ZNF385D: variants seen among roughly 807,000 people sequenced by gnomAD.
ZNF385D encodes the protein zinc finger protein 659.
A neutral mutation model predicts 35.8 loss-of-function variants in ZNF385D; 15 were observed. The ratio of observed to expected loss-of-function variants is 0.42; its 90% CI spans 0.28 to 0.64. The LOEUF is 0.64. Ranked by LOEUF, ZNF385D falls within the 30% of genes least tolerant of loss-of-function variation. The probability of loss-of-function intolerance (pLI) is 0.23; values close to 1 mark genes in which losing one functional copy is unlikely to be tolerated. For synonymous variants in ZNF385D, 212 were observed against 186.8 expected, an observed-to-expected ratio of 1.13 and a Z score of -1.10; for missense variants, 474 against 494.6, an observed-to-expected ratio of 0.96 and a Z score of 0.39.
At chr3:21,481,484 C>T (rs1704623420) in intron 4 of ZNF385D, among the ~76,000 whole-genome samples, 1 of 152,132 alleles carries the variant, frequency 6.6e-6, no homozygotes, top group Non-Finnish European at 1.5e-5. Flanking sequence ...ACCCCAATGG[C>T]TGAGAATTCA....
chr3:22,109,466 T>C lies in ZNF385D; in HGVS notation c.325+59351A>G, dbSNP rs17010820. On this transcript the variant is annotated intron_variant, in intron 3 of 5. Transcript: ENST00000494108. The stretch of plus-strand genomic sequence containing the variant: ...TGAGGACAACATTACATCTTCTTGC[T>C]GGGTAGTGGACAGAAAGCATCTTAG... Among the ~76,000 whole-genome samples the C allele has an allele frequency of 7.8e-3, 1,181 of 152,280 alleles. 10 individuals carry two copies. The highest frequency in any genetic ancestry group is 0.05 in the East Asian group (257 of 5,162).
intron 3 of ZNF385D, among the ~76,000 whole-genome samples, chr3:22,034,603 T>C (rs1698202007): frequency 6.6e-6 from 1 of 152,212 alleles, no homozygotes; most frequent in Non-Finnish European, 1.5e-5. Flanking sequence ...ATTTAAGACA[T>C]TGTACAACAA....
chr3:21,783,336 T>C (rs2071564288), intron 3 of ZNF385D, among the ~76,000 whole-genome samples: 2 of 152,096 alleles, frequency 1.3e-5, no homozygotes, highest in Admixed American at 1.3e-4. Flanking sequence ...CCAGGGAGTC[T>C]CAAATATTTC....
At chr3:21,849,605 CTTTTTTTTT>C (rs3073866) in intron 3 of ZNF385D, 12 of 108,144 alleles carry the variant, frequency 1.1e-4, no homozygotes, top group African/African-American at 3.4e-4. Flanking sequence ...AAACCCATTT[CTTTTTTTTT>C]TTTTTTTTTT....
At chr3:21,875,059 G>C (rs947342162) in intron 3 of ZNF385D, among the ~76,000 whole-genome samples, 4 of 151,728 alleles carry the variant, frequency 2.6e-5, no homozygotes, top group Non-Finnish European at 5.9e-5. Flanking sequence ...TCATTGTTTA[G>C]TGTACAGAAA....
At chr3:22,313,277 A>T (rs1703684777) in intron 2 of ZNF385D, among the ~76,000 whole-genome samples, 2 of 151,090 alleles carry the variant, frequency 1.3e-5, no homozygotes, top group Admixed American at 1.3e-4. Flanking sequence ...GAGGGATAGC[A>T]TTAGGAGATA....
chr3:21,743,443 C>CA (rs1164635137), intron 1 of ZNF385D, among the ~76,000 whole-genome samples: 6 of 152,288 alleles, frequency 3.9e-5, no homozygotes, highest in East Asian at 1.9e-4. Context: ...GCTGCCATGA[C>CA]AAAAAACCAC....
intron 2 of ZNF385D, among the ~76,000 whole-genome samples, chr3:22,252,437 T>A (rs1343502384): frequency 2.6e-5 from 4 of 152,072 alleles, no homozygotes; most frequent in Non-Finnish European, 5.9e-5. Flanking sequence ...AGTCTTAAGA[T>A]GAGGTGAGTA....
chr3:21,936,251 G>A (rs1186586090), intron 3 of ZNF385D, among the ~76,000 whole-genome samples: 1 of 152,118 alleles, frequency 6.6e-6, no homozygotes, highest in African/African-American at 2.4e-5. Context: ...ACAGGGAGAT[G>A]ACATAGAGTT....
At chr3:22,343,570 C>A (rs1245357707) in intron 2 of ZNF385D, among the ~76,000 whole-genome samples, 1 of 140,658 alleles carries the variant, frequency 7.1e-6, no homozygotes, top group African/African-American at 2.7e-5. Flanking sequence ...ACTGACTGTA[C>A]CTGTGGTTTG....
chr3:21,852,022 TC>T (rs1239691329), intron 3 of ZNF385D, among the ~76,000 whole-genome samples: 1 of 152,030 alleles, frequency 6.6e-6, no homozygotes, highest in African/African-American at 2.4e-5. Context: ...GACAGCAAAA[TC>T]AAAACTTCTT....
intron 3 of ZNF385D, among the ~76,000 whole-genome samples, chr3:22,162,343 T>G (rs1366111368): frequency 6.6e-6 from 1 of 152,180 alleles, no homozygotes; most frequent in East Asian, 1.9e-4. Context: ...GGTTTACATC[T>G]GTATAGAAAA....
At chr3:21,459,250 T>C (rs902368955) in intron 4 of ZNF385D, 4 of 152,196 alleles carry the variant, frequency 2.6e-5, no homozygotes, top group African/African-American at 9.7e-5. Context: ...GGTGATTCCT[T>C]CTCTTTAGGC....
intron 3 of ZNF385D, among the ~76,000 whole-genome samples, chr3:21,927,034 T>A (rs180885170): frequency 1.3e-5 from 2 of 152,292 alleles, no homozygotes; most frequent in Non-Finnish European, 2.9e-5. Flanking sequence ...CACTCCTGAA[T>A]GGCTTAGTGT....
At chr3:22,263,063 G>C (rs1376401607) in intron 2 of ZNF385D, among the ~76,000 whole-genome samples, 1 of 151,938 alleles carries the variant, frequency 6.6e-6, no homozygotes, top group Non-Finnish European at 1.5e-5. Context: ...CCCAGTTCCA[G>C]TTACCTTCAT....
intron 4 of ZNF385D, among the ~76,000 whole-genome samples, chr3:21,508,879 T>A (rs1277401473): frequency 6.6e-6 from 1 of 152,176 alleles, no homozygotes; most frequent in Non-Finnish European, 1.5e-5. Flanking sequence ...CTTTGGATTA[T>A]TCTAGGTTGA....
intron 3 of ZNF385D, among the ~76,000 whole-genome samples, chr3:21,902,629 T>C (rs259500): frequency 0.33 from 50,301 of 151,958 alleles, 8,807 homozygotes; most frequent in African/African-American, 0.43. Flanking sequence ...AATGGTGTCA[T>C]TGAAAATTAT....
At position 21,415,246 on chromosome 3, in the gene ZNF385D, G is replaced by C. The variant is rs543516152; in HGVS notation, c.*5968C>G. 5 of 152,160 alleles carry C rather than the reference G, an allele frequency of 3.3e-5. No individual in the cohort carries two copies. The South Asian group carries it at 1.0e-3, about 32-fold the overall frequency. 9.4% of individuals were successfully genotyped at this position (152,160 alleles called of 1,614,324 possible). A position where few individuals can be genotyped will look rare whatever the true frequency, so the allele number is the denominator to read the frequency against. ...CTCTCTGCTAATTTTCCGTTGTCTT[G>C]TTATACCATGTCCTGCACACTACCT... is the stretch of plus-strand genomic sequence containing the variant. On this transcript the variant is annotated 3_prime_UTR_variant, in exon 8 of 8. Transcript: ENST00000281523.
intron 2 of ZNF385D, among the ~76,000 whole-genome samples, chr3:22,342,052 G>T (rs932459519): frequency 6.6e-6 from 1 of 152,020 alleles, no homozygotes; most frequent in Admixed American, 6.5e-5. Context: ...AAGGCAGGCA[G>T]ATCACGAGGT....
Sources: allele counts gnomAD v4.1 joint callset (sites outside exome capture counted in the v4.1 genomes callset), GRCh38; gene constraint gnomAD v4.1.1; transcripts MANE v1.5; gene names NCBI Gene and HGNC (gene_info 2026-07-23, HGNC 2026-07-21).